MUC12: variants seen among roughly 807,000 people sequenced by gnomAD.
MUC12 encodes the protein mucin 12, cell surface associated.
Under a neutral mutation model 230.8 loss-of-function variants are expected in MUC12, and 172 were observed. That is an observed-to-expected ratio of 0.75 (90% CI 0.66 to 0.85). The LOEUF is 0.85. Ranked by LOEUF, MUC12 falls within the 40% of genes least tolerant of loss-of-function variation. MUC12 has a pLI of 0.00. For missense variants in MUC12, 3,506 were observed against 5,920.6 expected, an observed-to-expected ratio of 0.59 and a Z score of 13.38; for synonymous variants, 1,259 against 2,401.9, an observed-to-expected ratio of 0.52 and a Z score of 13.91.
Position 101,012,428 on chromosome 7 carries a change from T to C in MUC12, c.15384T>C (p.Leu5128=), listed in dbSNP as rs765378713. ...TGAATGAAACTAGAACAACTCTTCTTGATCCTGATTCCTGCAGAAGTAAGC... is the reference window on the plus strand; with the variant it reads ...TGAATGAAACTAGAACAACTCTTCTCGATCCTGATTCCTGCAGAAGTAAGC... The part of the protein sequence containing the change: ...KIMNETRTTL[L]DPDSCRKAIL... Residue 5128 remains leucine, a synonymous_variant, in exon 6 of 12, where the codon CTT becomes CTC. Transcript: ENST00000536621. 5.3e-5 allele frequency: 82 copies of C among 1,537,782 alleles called. No homozygotes were observed. In the South Asian group the frequency reaches 8.8e-4, roughly 17 times the overall value.
chr7:101,017,600 C>A lies in MUC12; in HGVS notation c.15903C>A (p.Phe5301Leu). 6.5e-7 allele frequency: 1 copy of A among 1,535,976 alleles called. No individual in the cohort carries two copies. Among genetic ancestry groups the A allele is most frequent in the Non-Finnish European group, 8.7e-7 (1 of 1,146,070 alleles). Residue 5301 changes from phenylalanine (F) to leucine (L), a missense_variant, in exon 11 of 12, where the codon TTC becomes TTA. Transcript: ENST00000536621. ...WEDQNLRESRFGLENAYNNFR... is the reference protein window; with the variant it reads ...WEDQNLRESRLGLENAYNNFR... ...ACCAGAATCTGAGGGAGAGCAGATT[C>A]GGCCTTGAGAACGCCTACAACAACT... is the stretch of plus-strand genomic sequence containing the variant.
At chr7:101,017,427 G>GCGGTA (rs1793949028) in intron 10 of MUC12, 148 bp from the exon 11 acceptor site, 1 of 606,338 alleles carries the variant, frequency 1.6e-6, no homozygotes, top group East Asian at 2.9e-5. Context: ...GCAGCCCAGT[G>GCGGTA]ATGCAGGGTC....
At chr7:101,008,833 A>G in intron 4 of MUC12, 72 bp downstream of exon 4, 2 of 1,482,814 alleles carry the variant, frequency 1.3e-6, no homozygotes, top group African/African-American at 1.4e-5. Context: ...GTGCACCCCA[A>G]CTTAGTGATC....
At chr7:100,984,179 A>G (rs889103101) in intron 1 of MUC12, among the ~76,000 whole-genome samples, 14 of 152,004 alleles carry the variant, frequency 9.2e-5, no homozygotes, top group Admixed American at 2.0e-4. Context: ...TTTGTTACGT[A>G]TAGTATTACA....
chr7:101,008,394 G>A (rs1793789636), intron 3 of MUC12, among the ~76,000 whole-genome samples: 4 of 152,080 alleles, frequency 2.6e-5, no homozygotes, highest in Admixed American at 2.6e-4. Context: ...ACAGCACCCG[G>A]CCCAGGGCTC....
At chr7:101,011,709 A>C (rs113890691) in intron 5 of MUC12, among the ~76,000 whole-genome samples, 4,148 of 152,322 alleles carry the variant, frequency 0.027, 138 homozygotes, top group African/African-American at 0.079. Context: ...GGCATGAGCC[A>C]CCGCACTTCC....
In MUC12 at chr7:101,012,682, A is replaced by C. The variant is rs1584847574; in HGVS notation, c.15404-137A>C. 16 of 1,045,150 alleles carry C rather than the reference A, an allele frequency of 1.5e-5. No individual in the cohort carries two copies. The East Asian group carries it at 4.2e-4, about 27-fold the overall frequency. 64.7% of individuals were successfully genotyped at this position (1,045,150 alleles called of 1,614,324 possible). A position where few individuals can be genotyped will look rare whatever the true frequency, so the allele number is the denominator to read the frequency against. ...TGAGCCTCCTCACAAGCCCAGCTGC[A>C]TGTCTAGGGTGGGCAAAGACTCCCA... On this transcript the variant is annotated intron_variant, in intron 6 of 11. Transcript: ENST00000536621.
rs1223659422 is a variant in MUC12, at chr7:100,992,331, A to G, written c.1768A>G (p.Thr590Ala). The G allele has an allele frequency of 1.4e-5, 21 of 1,536,602 alleles. No homozygotes were observed. Among genetic ancestry groups the G allele is most frequent in the Non-Finnish European group, 6.1e-6 (7 of 1,146,082 alleles). ...FHSRPGSTET[T>A]LLPDNTTASG... ...CAGCCGCCCAGGCTCCACTGAAACAACACTCTTACCTGACAACACCACAGC... is the reference window on the plus strand; with the variant it reads ...CAGCCGCCCAGGCTCCACTGAAACAGCACTCTTACCTGACAACACCACAGC... Residue 590 changes from threonine to alanine, a missense_variant, in exon 2 of 12, where the codon ACA (threonine) becomes GCA (alanine). Transcript: ENST00000536621.
At position 100,995,787 on chromosome 7, in the gene MUC12, A is replaced by G. The variant is rs1238735886; in HGVS notation, c.5224A>G (p.Thr1742Ala). The change falls in exon 2 of 12, where the codon ACA becomes GCA. Residue 1742 changes from threonine (T) to alanine (A), a missense_variant. Physicochemically the swap from Thr to Ala is moderately conservative, Grantham distance 58 (BLOSUM62 0). Coordinates refer to ENST00000536621, the MANE Select transcript of MUC12 (RefSeq NM_001164462.2). ...STTLGRSEES[T>A]TVHSSPVATA... is the part of the protein sequence containing the mutation. ...AACCTTGGGCCGTAGTGAGGAATCG[A>G]CAACAGTCCACAGCAGCCCAGTTGC... 1.1e-4 allele frequency: 169 copies of G among 1,514,536 alleles called. No individual in the cohort carries two copies. The highest frequency in any genetic ancestry group is 2.2e-4 in the Admixed American group (11 of 49,968). The allele number at this position is 1,514,536 out of a possible 1,614,324, so 93.8% of individuals were successfully genotyped here.
intron 1 of MUC12, among the ~76,000 whole-genome samples, chr7:100,970,546 AAAAG>A (rs914539151): frequency 9.2e-5 from 14 of 151,850 alleles, no homozygotes; most frequent in African/African-American, 1.9e-4. Context: ...GGAAAGAAAA[AAAAG>A]AAAGGAAGAA....
chr7:101,014,133 C>A, intron 9 of MUC12, 59 bp downstream of exon 9: 1 of 1,457,568 alleles, frequency 6.9e-7, no homozygotes, highest in Non-Finnish European at 9.1e-7. Flanking sequence ...CTGGGGTGGC[C>A]ACTGTCTGAA....
intron 1 of MUC12, 44 bp from the exon 2 acceptor site, chr7:100,990,587 A>G: frequency 2.6e-6 from 4 of 1,534,802 alleles, no homozygotes; most frequent in Non-Finnish European, 3.5e-6. Flanking sequence ...ATGAGGAGAC[A>G]GTCATAAATC....
rs867699474 is a variant in MUC12 at position 100,991,845 on chromosome 7, T to G, written c.1282T>G (p.Ser428Ala). The G allele has an allele frequency of 2.0e-5, 30 of 1,537,360 alleles. No homozygotes were observed. In the East Asian group the frequency reaches 2.7e-4, roughly 14 times the overall value. The change falls in exon 2 of 12, where the codon TCC (serine) becomes GCC (alanine). Residue 428 changes from serine (S) to alanine (A), a missense_variant. Ser to Ala is a moderately conservative substitution (Grantham distance 99). Coordinates refer to ENST00000536621, the MANE Select transcript of MUC12 (RefSeq NM_001164462.2). The stretch of plus-strand genomic sequence containing the variant: ...TGAAACAACACACTTCCGTGATAGC[T>G]CCACAATCTCAGGCCGTAGTGAGGA... The part of the protein sequence containing the change: ...STETTHFRDS[S>A]TISGRSEESK...
chr7:101,013,401 A>ATCTATC (rs919056737), intron 8 of MUC12, among the ~76,000 whole-genome samples: 2 of 152,044 alleles, frequency 1.3e-5, no homozygotes, highest in African/African-American at 2.4e-5. Context: ...CAATTTCCAA[A>ATCTATC]TCTATCTCTA....
At position 100,992,314 on chromosome 7, in the gene MUC12, C is replaced by A; in HGVS notation, c.1751C>A (p.Pro584Gln). 3.3e-6 allele frequency: 5 copies of A among 1,536,802 alleles called. No individual in the cohort carries two copies. Among genetic ancestry groups the A allele is most frequent in the Non-Finnish European group, 2.6e-6 (3 of 1,146,118 alleles). ...GAATATACTACCTTCCACAGCCGCC[C>A]AGGCTCCACTGAAACAACACTCTTA... ...GPEYTTFHSR[P>Q]GSTETTLLPD... The change falls in exon 2 of 12, where the codon CCA (proline) becomes CAA (glutamine). Residue 584 changes from proline to glutamine, a missense_variant. By Grantham distance (76) the Pro-to-Gln change is moderately conservative. Transcript: ENST00000536621.
chr7:100,982,001 G>T (rs1210386771), intron 1 of MUC12, among the ~76,000 whole-genome samples: 2 of 151,818 alleles, frequency 1.3e-5, no homozygotes, highest in African/African-American at 4.8e-5. Context: ...GGAGTAGCTG[G>T]GACTACAGGT....
Position 100,990,773 on chromosome 7 carries a change from C to A in MUC12, c.210C>A (p.Asp70Glu), listed in dbSNP as rs1563089067. 1 of 1,537,726 alleles carries A rather than the reference C, an allele frequency of 6.5e-7. No individual in the cohort carries two copies. Among genetic ancestry groups the A allele is most frequent in the Non-Finnish European group, 8.7e-7 (1 of 1,147,050 alleles). ...TGSTATKHFL[D>E]SSTNSGHSEE... ...CAACTGCAACAAAACACTTCCTTGA[C>A]AGCTCCACAAACTCAGGCCACAGTG... The change falls in exon 2 of 12, where the codon GAC (aspartate) becomes GAA (glutamate). Residue 70 changes from aspartate (D) to glutamate (E), a missense_variant. Coordinates refer to ENST00000536621, the MANE Select transcript of MUC12 (RefSeq NM_001164462.2).
intron 1 of MUC12, chr7:100,972,287 A>G (rs1185020317): frequency 1.4e-6 from 1 of 696,524 alleles, no homozygotes; most frequent in African/African-American, 1.8e-5. Flanking sequence ...ACCACTTGAC[A>G]GTGGATTTGT....
intron 1 of MUC12, among the ~76,000 whole-genome samples, chr7:100,971,950 T>C (rs1450311154): frequency 1.3e-5 from 2 of 152,302 alleles, no homozygotes; most frequent in Non-Finnish European, 2.9e-5. Context: ...TATAATTGTG[T>C]GTCAAAGATA....
Sources: gnomAD v4.1 joint callset for allele counts (sites outside exome capture counted in the v4.1 genomes callset) on GRCh38, gnomAD v4.1.1 for gene constraint, MANE v1.5 for transcripts, NCBI Gene and HGNC (gene_info 2026-07-23, HGNC 2026-07-21) for gene names.